ALDOB: variants seen among roughly 807,000 people sequenced by gnomAD.
ALDOB encodes fructose-bisphosphate aldolase B.
A neutral mutation model predicts 41.0 loss-of-function variants in ALDOB; 39 were observed. The ratio of observed to expected loss-of-function variants is 0.95; its 90% CI spans 0.74 to 1.24. ALDOB has a LOEUF of 1.24. Among genes scored for constraint, ALDOB ranks in the 50% most tolerant of loss-of-function variants. The pLI is 0.00. For synonymous variants in ALDOB, 175 were observed against 168.8 expected (o/e 1.04, Z -0.28); for missense variants, 530 against 457.3 (o/e 1.16, Z -1.45).
chr9:101,421,911 G>A lies in ALDOB; in HGVS notation c.1000-7C>T. 1 of 1,612,438 alleles carries A rather than the reference G, an allele frequency of 6.2e-7. No homozygotes were observed. Among genetic ancestry groups the A allele is most frequent in the Non-Finnish European group, 8.5e-7 (1 of 1,178,982 alleles). Reference sequence around the variant, plus strand: ...TGGCCGCCTGGCAGTTAGCCTAGAAGACAAATATGAGAGAGGAGACTGGTT... The same window carrying A: ...TGGCCGCCTGGCAGTTAGCCTAGAAAACAAATATGAGAGAGGAGACTGGTT... On this transcript the variant is annotated splice_polypyrimidine_tract_variant and splice_region_variant and intron_variant, in intron 8 of 8. Transcript: ENST00000647789.
chr9:101,428,774 T>A (rs1831169317), intron 3 of ALDOB, among the ~76,000 whole-genome samples: 1 of 152,192 alleles, frequency 6.6e-6, no homozygotes, highest in African/African-American at 2.4e-5. Context: ...GTAAAGAGAA[T>A]TAAGGATACA....
In ALDOB at chr9:101,421,730, T is replaced by G; in HGVS notation, c.*79A>C. ...CAGTTCAAATCTAATTGTGTCGAAT[T>G]TCCAGGATTGGAGGAAAAGTTGCTC... On this transcript the variant is annotated 3_prime_UTR_variant, in exon 9 of 9. Coordinates refer to ENST00000647789, the MANE Select transcript of ALDOB (RefSeq NM_000035.4). 1 of 1,129,472 alleles carries G rather than the reference T, an allele frequency of 8.9e-7. No individual in the cohort carries two copies. Among genetic ancestry groups the G allele is most frequent in the African/African-American group, 1.5e-5 (1 of 65,778 alleles). The allele number at this position is 1,129,472 out of a possible 1,614,324, so 70.0% of individuals were successfully genotyped here.
rs954389853 is a variant in ALDOB at position 101,435,767 on chromosome 9, C to A, written c.-69G>T. The A allele has an allele frequency of 2.0e-5, 3 of 151,990 alleles. No homozygotes were observed. Among genetic ancestry groups the A allele is most frequent in the Non-Finnish European group, 2.9e-5 (2 of 67,994 alleles). The allele number at this position is 151,990 out of a possible 1,614,324, so 9.4% of individuals were successfully genotyped here. On this transcript the variant is annotated 5_prime_UTR_variant, in exon 1 of 9. Coordinates refer to ENST00000647789, the MANE Select transcript of ALDOB (RefSeq NM_000035.4). ...AAGCTGTGGGTGAGGCAGCAGCTGC[C>A]AAATAAGACAGATCTTTGGTAGCAC...
Position 101,426,651 on chromosome 9 carries a change from A to G in ALDOB, c.541-13T>C. 1 of 1,552,980 alleles carries G rather than the reference A, an allele frequency of 6.4e-7. No individual in the cohort carries two copies. The highest frequency in any genetic ancestry group is 1.1e-5 in the South Asian group (1 of 89,874). On this transcript the variant is annotated splice_polypyrimidine_tract_variant and intron_variant, in intron 5 of 8. Transcript: ENST00000647789. Reference sequence around the variant, plus strand: ...GTACCAGTCCATTCTAAAAAGGAAAATCAAGGAAGCAAAAGTGAAGCTGTG... The same window carrying G: ...GTACCAGTCCATTCTAAAAAGGAAAGTCAAGGAAGCAAAAGTGAAGCTGTG...
At chr9:101,424,182 T>C (rs757188704) in intron 8 of ALDOB, among the ~76,000 whole-genome samples, 4 of 151,808 alleles carry the variant, frequency 2.6e-5, no homozygotes, top group Non-Finnish European at 5.9e-5. Context: ...CTTTGGGAGG[T>C]TGAGGTGGGC....
At chr9:101,428,348 G>T in intron 4 of ALDOB, 121 bp downstream of exon 4, 1 of 903,068 alleles carries the variant, frequency 1.1e-6, no homozygotes, top group Non-Finnish European at 1.9e-6. Context: ...TTGAAAACCA[G>T]GTACGTGTGG....
Position 101,430,771 on chromosome 9 carries a change from C to A in ALDOB, c.112+5G>T. 1.2e-6 allele frequency: 2 copies of A among 1,604,490 alleles called. No individual in the cohort carries two copies. Among genetic ancestry groups the A allele is most frequent in the Non-Finnish European group, 8.5e-7 (1 of 1,171,150 alleles). On this transcript the variant is annotated splice_donor_5th_base_variant and intron_variant, in intron 2 of 8. Transcript: ENST00000647789. ...TTATATGATGAGACTGCTTTTTACA[C>A]TCACCTACAGATTCATCTGCAGCCA...
intron 4 of ALDOB, among the ~76,000 whole-genome samples, chr9:101,428,095 G>A (rs1336847137): frequency 1.3e-5 from 2 of 152,190 alleles, no homozygotes; most frequent in African/African-American, 4.8e-5. Flanking sequence ...ACCCAGGTGT[G>A]TCTGACCTCA....
At chr9:101,430,755 G>A (rs1405835026) in intron 2 of ALDOB, 21 bp downstream of exon 2, 3 of 1,538,970 alleles carry the variant, frequency 1.9e-6, no homozygotes, top group Non-Finnish European at 2.7e-6. Context: ...GTTATATGAT[G>A]AGACTGCTTT....
chr9:101,425,737 G>A, intron 6 of ALDOB, 110 bp from the exon 7 acceptor site: 1 of 1,251,660 alleles, frequency 8.0e-7, no homozygotes, highest in South Asian at 1.2e-5. Context: ...CTTATTTGTT[G>A]CTTGGCAAAA....
intron 2 of ALDOB, among the ~76,000 whole-genome samples, chr9:101,430,313 C>T (rs898397696): frequency 2.6e-5 from 4 of 152,148 alleles, no homozygotes; most frequent in African/African-American, 9.7e-5. Flanking sequence ...TCTTGATTCT[C>T]AGGGTTCTGT....
At position 101,421,552 on chromosome 9, in the gene ALDOB, G is replaced by T; in HGVS notation, c.*257C>A. 2 of 530,352 alleles carry T rather than the reference G, an allele frequency of 3.8e-6. No homozygotes were observed. Among genetic ancestry groups the T allele is most frequent in the South Asian group, 2.0e-5 (1 of 50,200 alleles). 32.9% of individuals were successfully genotyped at this position (530,352 alleles called of 1,614,324 possible). On this transcript the variant is annotated 3_prime_UTR_variant, in exon 9 of 9. Transcript: ENST00000647789. The stretch of plus-strand genomic sequence containing the variant: ...TTGTTTTAAAGCCTATTATTTTCTT[G>T]GGTGGGTATTCTGGAGCATGGGGAG...
intron 1 of ALDOB, among the ~76,000 whole-genome samples, chr9:101,433,137 T>A (rs1365047242): frequency 1.3e-5 from 2 of 152,212 alleles, no homozygotes. Context: ...TTGTAGTTGC[T>A]CAAAATATAT....
Position 101,425,568 on chromosome 9 carries a change from C to G in ALDOB, c.684G>C (p.Leu228=). Residue 228 remains leucine (L), a synonymous_variant, in exon 7 of 9, where the codon CTG becomes CTC. Transcript: ENST00000647789. ...NDHHVYLEGT[L]LKPNMVTAGH... is the part of the protein sequence containing the mutation. ...CAGCAGTCACCATGTTGGGCTTTAG[C>G]AGGGTGCCCTCCAGGTAAACATGAT... 6.2e-7 allele frequency: 1 copy of G among 1,614,152 alleles called. No individual in the cohort carries two copies. The highest frequency in any genetic ancestry group is 1.1e-5 in the South Asian group (1 of 91,074).
intron 8 of ALDOB, among the ~76,000 whole-genome samples, chr9:101,424,032 G>A (rs907474359): frequency 6.6e-6 from 1 of 152,068 alleles, no homozygotes; most frequent in Admixed American, 6.6e-5. Context: ...TTTCAGTGAG[G>A]GTCACTGGTA....
chr9:101,435,628 C>T (rs756565943), intron 1 of ALDOB, 81 bp downstream of exon 1: 1 of 152,196 alleles, frequency 6.6e-6, no homozygotes, highest in Non-Finnish European at 1.5e-5. Context: ...AACCAATCTT[C>T]CCTTCTATAA....
chr9:101,426,622 A>G lies in ALDOB; in HGVS notation c.557T>C (p.Ile186Thr), dbSNP rs770158282. The change falls in exon 6 of 9, where the codon ATT becomes ACT. Residue 186 changes from isoleucine to threonine, a missense_variant. Coordinates refer to ENST00000647789, the MANE Select transcript of ALDOB (RefSeq NM_000035.4). ...ATCAGGAATTACCTCTGGTTCAACA[A>G]TAGGTACCAGTCCATTCTAAAAAGG... ...SICQQNGLVP[I>T]VEPEVIPDGD... 4.2e-5 allele frequency: 67 copies of G among 1,609,740 alleles called. No individual in the cohort carries two copies. The highest frequency in any genetic ancestry group is 8.3e-5 in the Admixed American group (5 of 60,004).
At chr9:101,422,369 CTT>C (rs1461972647) in intron 8 of ALDOB, among the ~76,000 whole-genome samples, 1 of 152,210 alleles carries the variant, frequency 6.6e-6, no homozygotes, top group Non-Finnish European at 1.5e-5. Flanking sequence ...AATTATGAAA[CTT>C]ACGACAATAT....
At chr9:101,422,973 C>G (rs1831070155) in intron 8 of ALDOB, among the ~76,000 whole-genome samples, 1 of 152,092 alleles carries the variant, frequency 6.6e-6, no homozygotes, top group Non-Finnish European at 1.5e-5. Context: ...TGGGAAGCAC[C>G]ATCCTTGATG....
Sources: gnomAD v4.1 joint callset for allele counts (sites outside exome capture counted in the v4.1 genomes callset) on GRCh38, gnomAD v4.1.1 for gene constraint, MANE v1.5 for transcripts, NCBI Gene and HGNC (gene_info 2026-07-23, HGNC 2026-07-21) for gene names.